TMEM63B: variants seen among roughly 807,000 people sequenced by gnomAD.
The protein encoded by TMEM63B is mechanosensitive cation channel TMEM63B.
TMEM63B carries 23 observed loss-of-function variants against 102.6 expected under a neutral mutation model. The observed-to-expected ratio is 0.22, with a 90% confidence interval of 0.16 to 0.32. The LOEUF (loss-of-function observed/expected upper bound fraction) is 0.32. TMEM63B is among the 10% of genes least tolerant of loss of function. TMEM63B has a pLI of 1.00. For missense variants in TMEM63B, 628 were observed against 1,095.9 expected, an observed-to-expected ratio of 0.57 and a Z score of 6.03; for synonymous variants, 444 against 437.0, an observed-to-expected ratio of 1.02 and a Z score of -0.20.
chr6:44,147,090 G>T (rs543242145), intron 11 of TMEM63B, among the ~76,000 whole-genome samples, 163 bp downstream of exon 11: 1 of 152,172 alleles, frequency 6.6e-6, no homozygotes, highest in South Asian at 2.1e-4. Context: ...AAAGAGCAAG[G>T]CCTGGAGGTT....
At position 44,131,580 on chromosome 6, in the gene TMEM63B, G is replaced by T. The variant is rs548805446; in HGVS notation, c.-24-2981G>T. ...CTGAAAATACAAAAATTAGCTGGGC[G>T]TGGTGGCATGTGTCTGTAGTCCCAG... is the stretch of plus-strand genomic sequence containing the variant. On this transcript the variant is annotated intron_variant, in intron 1 of 23. Coordinates refer to ENST00000323267, the MANE Select transcript of TMEM63B (RefSeq NM_018426.3). 2.0e-5 allele frequency among the ~76,000 whole-genome samples: 3 copies of T among 152,044 alleles called. No individual in the cohort carries two copies. In the South Asian group the frequency reaches 6.2e-4, roughly 32 times the overall value.
intron 10 of TMEM63B, among the ~76,000 whole-genome samples, chr6:44,146,515 A>G (rs892739902): frequency 6.7e-6 from 1 of 149,246 alleles, no homozygotes; most frequent in African/African-American, 2.4e-5. Flanking sequence ...CAGTGGCGCG[A>G]TCTTGGCTCA....
Position 44,154,191 on chromosome 6 carries a change from G to A in TMEM63B, c.2226+3G>A, listed in dbSNP as rs772284550. 6.2e-6 allele frequency: 10 copies of A among 1,613,800 alleles called. No individual in the cohort carries two copies. In the South Asian group the frequency reaches 1.1e-4, roughly 18 times the overall value. On this transcript the variant is annotated splice_donor_region_variant and intron_variant, in intron 22 of 23. Coordinates refer to ENST00000323267, the MANE Select transcript of TMEM63B (RefSeq NM_018426.3). ...ACCTCAGTGCCCACAACTACAAGGT[G>A]TGGGGCAAGGGTGGCAGGCGGATGG...
At chr6:44,136,702 G>A (rs931484559) in intron 5 of TMEM63B, among the ~76,000 whole-genome samples, 13 of 152,306 alleles carry the variant, frequency 8.5e-5, no homozygotes, top group Middle Eastern at 6.8e-3. Context: ...AAAGAGTTTT[G>A]TGCCCACTTC....
At chr6:44,141,990 C>T (rs1319593858) in intron 10 of TMEM63B, among the ~76,000 whole-genome samples, 2 of 151,828 alleles carry the variant, frequency 1.3e-5, no homozygotes, top group Non-Finnish European at 2.9e-5. Flanking sequence ...GGTGTGGTGG[C>T]GTGCGCCTGT....
chr6:44,134,527 GC>G, intron 1 of TMEM63B, 33 bp from the exon 2 acceptor site: 1 of 1,589,134 alleles, frequency 6.3e-7, no homozygotes, highest in Middle Eastern at 1.7e-4. Flanking sequence ...GGGGATGGGG[GC>G]AAGCCCAGCT....
intron 5 of TMEM63B, among the ~76,000 whole-genome samples, chr6:44,137,733 C>G (rs1414860968): frequency 1.3e-5 from 2 of 151,118 alleles, no homozygotes; most frequent in African/African-American, 2.4e-5. Flanking sequence ...GAGTCTTGCT[C>G]TGTCGCCCAG....
chr6:44,152,130 C>T lies in TMEM63B; in HGVS notation c.1836+122C>T. ...GCTGAGACTTGGGGAGTACAGTTGA[C>T]TCACGGTGGATCCGGGCCATCCCCT... On this transcript the variant is annotated intron_variant, in intron 19 of 23. Transcript: ENST00000323267. This position sits in a 1 kb window ranked among gnomAD's most constrained non-coding sequence, Gnocchi z 6.4. The T allele has an allele frequency of 8.0e-7, 1 of 1,244,532 alleles. No homozygotes were observed. The highest frequency in any genetic ancestry group is 1.5e-5 in the African/African-American group (1 of 65,676). The allele number at this position is 1,244,532 out of a possible 1,614,324, so 77.1% of individuals were successfully genotyped here.
chr6:44,128,631 A>C (rs1455549769), intron 1 of TMEM63B, among the ~76,000 whole-genome samples: 1 of 152,102 alleles, frequency 6.6e-6, no homozygotes, highest in Non-Finnish European at 1.5e-5. Context: ...AAGCCTGAGC[A>C]CTCCACCGCC....
chr6:44,150,058 C>T lies in TMEM63B; in HGVS notation c.1520+93C>T, dbSNP rs1766273712. ...GCACTTTGCCCTTCAGGCTCCTGGC[C>T]CTGGGCAGTCCCACAGCTGGTAGGG... is the stretch of plus-strand genomic sequence containing the variant. On this transcript the variant is annotated intron_variant, in intron 16 of 23. Transcript: ENST00000323267. This position sits in a 1 kb window ranked among gnomAD's most constrained non-coding sequence, Gnocchi z 4.7. 2 of 1,402,160 alleles carry T rather than the reference C, an allele frequency of 1.4e-6. No homozygotes were observed. Among genetic ancestry groups the T allele is most frequent in the African/African-American group, 1.4e-5 (1 of 70,600 alleles). The allele number at this position is 1,402,160 out of a possible 1,614,324, so 86.9% of individuals were successfully genotyped here. A position where few individuals can be genotyped will look rare whatever the true frequency, so the allele number is the denominator to read the frequency against.
At chr6:44,130,211 C>T (rs556629589) in intron 1 of TMEM63B, among the ~76,000 whole-genome samples, 3 of 152,278 alleles carry the variant, frequency 2.0e-5, no homozygotes, top group South Asian at 2.1e-4. Flanking sequence ...AGCATACACT[C>T]GAGCCAGGCA....
At chr6:44,140,910 A>G (rs1467847898) in intron 9 of TMEM63B, 118 bp from the exon 10 acceptor site, 2 of 835,554 alleles carry the variant, frequency 2.4e-6, no homozygotes, top group Non-Finnish European at 4.0e-6. Context: ...CCCTCTGCTC[A>G]CCTACTTCTC....
Position 44,150,671 on chromosome 6 carries a change from G to T in TMEM63B, c.1673+42G>T. 1 of 1,595,298 alleles carries T rather than the reference G, an allele frequency of 6.3e-7. No homozygotes were observed. Among genetic ancestry groups the T allele is most frequent in the South Asian group, 1.1e-5 (1 of 90,398 alleles). On this transcript the variant is annotated intron_variant, in intron 18 of 23. Coordinates refer to ENST00000323267, the MANE Select transcript of TMEM63B (RefSeq NM_018426.3). This position sits in a 1 kb window ranked among gnomAD's most constrained non-coding sequence, Gnocchi z 4.7. ...CCTAGGGAAAGAGACCAGACAGCAG[G>T]GGTGGGTATGCTTGAGAGACATTGC...
intron 8 of TMEM63B, among the ~76,000 whole-genome samples, 173 bp downstream of exon 8, chr6:44,139,932 C>G (rs963556671): frequency 6.6e-6 from 1 of 152,018 alleles, no homozygotes; most frequent in South Asian, 2.1e-4. Context: ...CTGAGGATCC[C>G]CCAAGGATGA....
chr6:44,136,369 G>C lies in TMEM63B; in HGVS notation c.299G>C (p.Gly100Ala), dbSNP rs1206382668. Residue 100 changes from glycine (G) to alanine (A), a missense_variant, in exon 5 of 24, where the codon GGG (glycine) becomes GCG (alanine). Transcript: ENST00000323267. ...CCCAGTGTGGCTTCAGCTATGCACG[G>C]GGACAGCCATGACCGGTATGAGCGT... ...EQEYVASAMHGDSHDRYERLT... is the reference protein window; with the variant it reads ...EQEYVASAMHADSHDRYERLT... 6.2e-7 allele frequency: 1 copy of C among 1,613,980 alleles called. No homozygotes were observed. Among genetic ancestry groups the C allele is most frequent in the African/African-American group, 1.3e-5 (1 of 74,918 alleles).
chr6:44,140,181 C>A, intron 8 of TMEM63B, 71 bp from the exon 9 acceptor site: 1 of 1,237,298 alleles, frequency 8.1e-7, no homozygotes, highest in Non-Finnish European at 1.2e-6. Flanking sequence ...TTAACACTGA[C>A]AGGCTGAGGT....
intron 1 of TMEM63B, among the ~76,000 whole-genome samples, chr6:44,129,377 A>T (rs974195364): frequency 1.3e-5 from 2 of 151,868 alleles, no homozygotes; most frequent in African/African-American, 4.8e-5. Flanking sequence ...AAAAAAAAAA[A>T]AAAAAGAAAG....
chr6:44,151,861 C>G lies in TMEM63B; in HGVS notation c.1689C>G (p.Pro563=), dbSNP rs769604241. The change falls in exon 19 of 24, where the codon CCC becomes CCG. Residue 563 remains proline, a synonymous_variant. Transcript: ENST00000323267. The part of the protein sequence containing the change: ...AAIRFECVFL[P]DNGAFFVNYV... ...GTGCCCGCAGGTGTGTGTTCCTGCC[C>G]GACAACGGCGCCTTCTTCGTGAACT... The G allele has an allele frequency of 2.6e-5, 42 of 1,611,338 alleles. No homozygotes were observed. The South Asian group carries it at 4.5e-4, about 17-fold the overall frequency.
intron 10 of TMEM63B, 87 bp downstream of exon 10, chr6:44,141,185 G>T (rs1047417336): frequency 8.3e-6 from 11 of 1,332,830 alleles, no homozygotes; most frequent in African/African-American, 3.0e-5. Context: ...TTATACCCTA[G>T]CCTGGAGCTC....
Sources: allele counts gnomAD v4.1 joint callset (sites outside exome capture counted in the v4.1 genomes callset), GRCh38; gene constraint gnomAD v4.1.1; non-coding constraint Gnocchi (gnomAD v3.1); transcripts MANE v1.5; gene names NCBI Gene and HGNC (gene_info 2026-07-23, HGNC 2026-07-21).